Variants in SLC44A5 observed in about 807,000 individuals in gnomAD.
SLC44A5 encodes the protein choline transporter-like protein 5.
In SLC44A5, 57 loss-of-function variants were observed where a neutral mutation model predicts 101.8. The observed-to-expected ratio is 0.56, with a 90% confidence interval of 0.45 to 0.70. The LOEUF is 0.70. Among genes scored for constraint, SLC44A5 ranks in the 30% least tolerant of loss-of-function variants. SLC44A5 has a pLI of 0.00. For missense variants in SLC44A5, 737 were observed against 853.1 expected (o/e 0.86, Z 1.70); for synonymous variants, 281 against 290.9 (o/e 0.97, Z 0.35).
chr1:75,445,704 T>C (rs944214753), intron 2 of SLC44A5, among the ~76,000 whole-genome samples: 1 of 151,970 alleles, frequency 6.6e-6, no homozygotes, highest in Non-Finnish European at 1.5e-5. Context: ...ACCATCAACA[T>C]GGTAAGGACT....
chr1:75,617,848 G>C, the SLC44A5 span, among the ~76,000 whole-genome samples: 2 of 152,100 alleles, frequency 1.3e-5, no homozygotes, highest in African/African-American at 4.8e-5. Flanking sequence ...CATTTTATGT[G>C]CTCATATTTT....
At chr1:75,243,659 A>G (rs1375130888) in intron 7 of SLC44A5, among the ~76,000 whole-genome samples, 1 of 152,086 alleles carries the variant, frequency 6.6e-6, no homozygotes, top group Non-Finnish European at 1.5e-5. Flanking sequence ...CAATGGTAAG[A>G]ACTTTCATAA....
intron 2 of SLC44A5, among the ~76,000 whole-genome samples, chr1:75,492,911 T>A (rs143765615): frequency 6.6e-6 from 1 of 152,318 alleles, no homozygotes; most frequent in East Asian, 1.9e-4. Flanking sequence ...AATGGGCAAA[T>A]GTCCAAAGTT....
At chr1:75,684,999 CCT>C in the SLC44A5 span, among the ~76,000 whole-genome samples, 2,392 of 152,320 alleles carry the variant, frequency 0.016, 72 homozygotes, top group African/African-American at 0.053. Flanking sequence ...TTCCATACAT[CCT>C]CTGAAATCGA....
At chr1:75,566,130 T>A (rs1465756200) in intron 1 of SLC44A5, among the ~76,000 whole-genome samples, 1 of 152,178 alleles carries the variant, frequency 6.6e-6, no homozygotes, top group African/African-American at 2.4e-5. Flanking sequence ...GGAAATGGAA[T>A]GCCACAGCAC....
At chr1:75,392,755 G>A (rs997860174) in intron 3 of SLC44A5, among the ~76,000 whole-genome samples, 4 of 152,234 alleles carry the variant, frequency 2.6e-5, no homozygotes, top group African/African-American at 4.8e-5. Context: ...ATCAAACTAG[G>A]TGCCCATCAA....
At chr1:75,557,418 G>T (rs1234696038) in intron 1 of SLC44A5, among the ~76,000 whole-genome samples, 1 of 152,040 alleles carries the variant, frequency 6.6e-6, no homozygotes, top group Non-Finnish European at 1.5e-5. Context: ...ACAGAAGAAA[G>T]GTGGGCAATG....
At chr1:75,302,692 G>A (rs1654585686) in intron 4 of SLC44A5, among the ~76,000 whole-genome samples, 1 of 151,800 alleles carries the variant, frequency 6.6e-6, no homozygotes, top group Admixed American at 6.6e-5. Context: ...ATAACAATAT[G>A]CCGCATCACT....
intron 22 of SLC44A5, among the ~76,000 whole-genome samples, chr1:75,213,036 A>T (rs1447082390): frequency 2.0e-5 from 3 of 152,122 alleles, no homozygotes; most frequent in Non-Finnish European, 4.4e-5. Flanking sequence ...GATGCAGCAT[A>T]CAAAGGTCCA....
At chr1:75,434,614 C>A (rs546268728) in intron 2 of SLC44A5, among the ~76,000 whole-genome samples, 2 of 152,232 alleles carry the variant, frequency 1.3e-5, no homozygotes, top group East Asian at 3.9e-4. Context: ...GGGAAAACTC[C>A]TTCATGTGAC....
chr1:75,462,607 T>C (rs1666566123), intron 2 of SLC44A5, among the ~76,000 whole-genome samples: 1 of 152,040 alleles, frequency 6.6e-6, no homozygotes, highest in South Asian at 2.1e-4. Context: ...TCAAAAGCTG[T>C]TTTGAGGAAA....
intron 2 of SLC44A5, among the ~76,000 whole-genome samples, chr1:75,466,245 A>G (rs780762908): frequency 2.0e-5 from 3 of 152,194 alleles, no homozygotes; most frequent in Non-Finnish European, 4.4e-5. Context: ...TCCATGTGAT[A>G]TATCATATTA....
At position 75,566,999 on chromosome 1, in the gene SLC44A5, T is replaced by C. The variant is rs1242403105; in HGVS notation, c.-69-25483A>G. Among the ~76,000 whole-genome samples the C allele has an allele frequency of 3.1e-4, 47 of 152,224 alleles. 1 individual carries two copies. Among genetic ancestry groups the C allele is most frequent in the Admixed American group, 3.1e-3 (47 of 15,278 alleles). ...TCCCCCACTTTTATCTGTTACATTA[T>C]GTTACTCCATCTCTGCTTCGTATTT... On this transcript the variant is annotated intron_variant, in intron 1 of 23. Transcript: ENST00000370859.
chr1:75,493,427 C>G (rs1031251375), intron 2 of SLC44A5, among the ~76,000 whole-genome samples: 2 of 151,944 alleles, frequency 1.3e-5, no homozygotes, highest in Non-Finnish European at 2.9e-5. Context: ...AACAATATAG[C>G]CTGAAAATAC....
chr1:75,347,685 A>AGTGTGTGTGTGTGTGTGTGTGT (rs10677527), intron 3 of SLC44A5, among the ~76,000 whole-genome samples: 3 of 147,944 alleles, frequency 2.0e-5, no homozygotes, highest in African/African-American at 7.4e-5. Context: ...AGTGGTGGTG[A>AGTGTGTGTGTGTGTGTGTGTGT]GTGTGTGTGT....
chr1:75,634,783 CA>C, the SLC44A5 span, among the ~76,000 whole-genome samples: 1 of 151,962 alleles, frequency 6.6e-6, no homozygotes, highest in Non-Finnish European at 1.5e-5. Context: ...ACACCAAAAG[CA>C]ATGGCAACAA....
rs1168208982 is a variant in SLC44A5, at chr1:75,316,584, T to C, written c.102-15899A>G. On this transcript the variant is annotated intron_variant, in intron 4 of 23. Transcript: ENST00000370859. ...GGGTAGAACTTGGAACTTAATTAAC[T>C]CTATATCTTTACTTCTATAATCAGT... Among the ~76,000 whole-genome samples, 3 of 152,370 alleles carry C rather than the reference T, an allele frequency of 2.0e-5. No individual in the cohort carries two copies. The East Asian group carries it at 5.8e-4, about 29-fold the overall frequency.
intron 2 of SLC44A5, among the ~76,000 whole-genome samples, chr1:75,453,586 T>C (rs1666021597): frequency 6.6e-6 from 1 of 151,954 alleles, no homozygotes; most frequent in Non-Finnish European, 1.5e-5. Context: ...TTGAAATTGA[T>C]ACAAAGGATC....
At chr1:75,459,958 C>T (rs1666408223) in intron 2 of SLC44A5, among the ~76,000 whole-genome samples, 1 of 152,102 alleles carries the variant, frequency 6.6e-6, no homozygotes, top group Non-Finnish European at 1.5e-5. Flanking sequence ...TTAAGCAATG[C>T]CCTGAAAACC....
Sources: allele counts gnomAD v4.1 joint callset (sites outside exome capture counted in the v4.1 genomes callset), GRCh38; gene constraint gnomAD v4.1.1; transcripts MANE v1.5; gene names NCBI Gene and HGNC (gene_info 2026-07-23, HGNC 2026-07-21).